EHD4: variants seen among roughly 807,000 people sequenced by gnomAD.
EHD4 encodes EH domain-containing protein 4.
A neutral mutation model predicts 51.0 loss-of-function variants in EHD4; 37 were observed. The ratio of observed to expected loss-of-function variants is 0.73; its 90% CI spans 0.56 to 0.95. The LOEUF is 0.95. Among genes scored for constraint, EHD4 ranks in the 40% least tolerant of loss-of-function variants. EHD4 has a pLI of 0.00. For missense variants in EHD4, 632 were observed against 733.1 expected (o/e 0.86, Z 1.59); for synonymous variants, 297 against 317.3 (o/e 0.94, Z 0.68).
At chr15:41,955,089 A>AATCT (rs146760877) in intron 1 of EHD4, among the ~76,000 whole-genome samples, 2,572 of 152,194 alleles carry the variant, frequency 0.017, 87 homozygotes, top group African/African-American at 0.059. Context: ...ATTTACAGTA[A>AATCT]ATCTGATGAT....
intron 1 of EHD4, among the ~76,000 whole-genome samples, chr15:41,965,013 T>C (rs1288883563): frequency 1.3e-5 from 2 of 152,024 alleles, no homozygotes; most frequent in Non-Finnish European, 2.9e-5. Context: ...GTCAAGTGAT[T>C]TGTCCACCTT....
chr15:41,937,789 T>G (rs2067742183), intron 3 of EHD4, among the ~76,000 whole-genome samples: 2 of 152,226 alleles, frequency 1.3e-5, no homozygotes, highest in Non-Finnish European at 2.9e-5. Flanking sequence ...TTTCATTTTT[T>G]TCTGCACCCC....
At chr15:41,927,557 G>GA in intron 3 of EHD4, among the ~76,000 whole-genome samples, 1 of 152,236 alleles carries the variant, frequency 6.6e-6, no homozygotes, top group South Asian at 2.1e-4. Context: ...GGCCCTTGAG[G>GA]AAAAAAACAT....
chr15:41,925,583 A>G (rs2067655602), intron 3 of EHD4, among the ~76,000 whole-genome samples: 1 of 152,246 alleles, frequency 6.6e-6, no homozygotes, highest in Non-Finnish European at 1.5e-5. Context: ...TCATGCAATT[A>G]ATAGAAATTT....
chr15:41,914,881 G>T (rs997152693), intron 4 of EHD4, among the ~76,000 whole-genome samples: 1 of 151,546 alleles, frequency 6.6e-6, no homozygotes, highest in Non-Finnish European at 1.5e-5. Context: ...CAACTCTTGG[G>T]TTCAAGTGAT....
At chr15:41,956,108 A>C (rs1445001313) in intron 1 of EHD4, among the ~76,000 whole-genome samples, 1 of 152,230 alleles carries the variant, frequency 6.6e-6, no homozygotes, top group African/African-American at 2.4e-5. Flanking sequence ...GTGGGTTTGA[A>C]GCTTGACAGG....
intron 5 of EHD4, among the ~76,000 whole-genome samples, chr15:41,904,662 T>A (rs997462068): frequency 1.3e-5 from 2 of 152,294 alleles, no homozygotes; most frequent in African/African-American, 4.8e-5. Context: ...AGTTTTCAAA[T>A]CCACCAGAGG....
At chr15:41,953,421 C>T (rs998474536) in intron 2 of EHD4, among the ~76,000 whole-genome samples, 2 of 152,086 alleles carry the variant, frequency 1.3e-5, no homozygotes, top group Admixed American at 1.3e-4. Context: ...GGTCTTACTT[C>T]GTTGTCCAAG....
At chr15:41,960,706 C>T (rs1434152860) in intron 1 of EHD4, among the ~76,000 whole-genome samples, 4 of 128,952 alleles carry the variant, frequency 3.1e-5, no homozygotes, top group Non-Finnish European at 6.3e-5. Context: ...TGGAGTCTTG[C>T]TTTGTCACCC....
In EHD4 at chr15:41,954,640, A is replaced by T. The variant is rs578197844; in HGVS notation, c.237-700T>A. Among the ~76,000 whole-genome samples the T allele has an allele frequency of 7.5e-3, 1,118 of 149,954 alleles. 10 individuals are homozygous for T. Among genetic ancestry groups the T allele is most frequent in the African/African-American group, 0.026 (1,052 of 40,952 alleles). ...TCTATGTAAATAAAACTGAAAAAAAATTTTTTTTTTTGAGACTGGGTCTTG... is the reference window on the plus strand; with the variant it reads ...TCTATGTAAATAAAACTGAAAAAAATTTTTTTTTTTTGAGACTGGGTCTTG... On this transcript the variant is annotated intron_variant, in intron 1 of 5. Coordinates refer to ENST00000220325, the MANE Select transcript of EHD4 (RefSeq NM_139265.4).
intron 2 of EHD4, among the ~76,000 whole-genome samples, chr15:41,948,509 T>C (rs144346458): frequency 1.4e-4 from 21 of 152,096 alleles, no homozygotes; most frequent in Admixed American, 2.0e-4. Flanking sequence ...AAGTTTATTA[T>C]AGATAAATGA....
At chr15:41,928,008 T>A (rs2067673873) in intron 3 of EHD4, among the ~76,000 whole-genome samples, 1 of 152,168 alleles carries the variant, frequency 6.6e-6, no homozygotes, top group South Asian at 2.1e-4. Flanking sequence ...GTAAATCATC[T>A]CAAAGTAAAC....
At chr15:41,958,920 C>T (rs996720350) in intron 1 of EHD4, among the ~76,000 whole-genome samples, 7 of 152,222 alleles carry the variant, frequency 4.6e-5, no homozygotes, top group African/African-American at 1.2e-4. Flanking sequence ...CTTATGAGGA[C>T]ACCACCCACC....
chr15:41,916,700 G>A (rs1336288068), intron 4 of EHD4, among the ~76,000 whole-genome samples: 10 of 152,306 alleles, frequency 6.6e-5, no homozygotes, highest in East Asian at 5.8e-4. Flanking sequence ...GGCCAAGGCC[G>A]CCGTGCTGAG....
intron 1 of EHD4, among the ~76,000 whole-genome samples, chr15:41,967,306 C>T (rs180700663): frequency 6.9e-4 from 105 of 152,306 alleles, no homozygotes; most frequent in Admixed American, 2.9e-3. Flanking sequence ...TGAGGGGGTC[C>T]CTCCTATGCC....
chr15:41,959,986 T>C (rs2067914733), intron 1 of EHD4, among the ~76,000 whole-genome samples: 1 of 150,834 alleles, frequency 6.6e-6, no homozygotes, highest in Admixed American at 6.6e-5. Context: ...AAAAGCAGTT[T>C]CTATTGTTTA....
chr15:41,972,224 C>A lies in EHD4; in HGVS notation c.236+35G>T, dbSNP rs1339883141. On this transcript the variant is annotated intron_variant, in intron 1 of 5. Transcript: ENST00000220325. ...CGGCGCACACGTGGGGAGGGCGGAG[C>A]GGGGCGGGAGCCGGGCGAGGGGCGG... 3 of 1,488,630 alleles carry A rather than the reference C, an allele frequency of 2.0e-6. No homozygotes were observed. In the East Asian group the frequency reaches 8.3e-5, roughly 41 times the overall value. 92.2% of individuals were successfully genotyped at this position (1,488,630 alleles called of 1,614,324 possible).
Position 41,901,104 on chromosome 15 carries a change from C to T in EHD4, c.1167G>A (p.Leu389=). 6.2e-7 allele frequency: 1 copy of T among 1,610,400 alleles called. No homozygotes were observed. Among genetic ancestry groups the T allele is most frequent in the Non-Finnish European group, 8.5e-7 (1 of 1,178,340 alleles). ...TCATGAGGGGCGAGATCTTGTTGCTCAGCATGTTGTCCACTGCCTCGATCA... is the reference window on the plus strand; with the variant it reads ...TCATGAGGGGCGAGATCTTGTTGCTTAGCATGTTGTCCACTGCCTCGATCA... ...PKLIEAVDNM[L]SNKISPLMNL... Residue 389 remains leucine, a synonymous_variant, in exon 6 of 6, where the codon CTG becomes CTA. Transcript: ENST00000220325.
intron 3 of EHD4, among the ~76,000 whole-genome samples, chr15:41,941,314 T>C (rs1285561259): frequency 6.6e-6 from 1 of 152,222 alleles, no homozygotes; most frequent in Non-Finnish European, 1.5e-5. Context: ...TGGCATGGAA[T>C]GATGTCCAAG....
Sources: allele counts gnomAD v4.1 joint callset (sites outside exome capture counted in the v4.1 genomes callset), GRCh38; gene constraint gnomAD v4.1.1; transcripts MANE v1.5; gene names NCBI Gene and HGNC (gene_info 2026-07-23, HGNC 2026-07-21).